The following NFIB variants were observed in gnomAD, a reference collection of about 807,000 sequenced individuals.
NFIB encodes nuclear factor I B, also known as nuclear factor 1 B-type.
NFIB carries 11 observed loss-of-function variants against 61.5 expected under a neutral mutation model. The ratio of observed to expected loss-of-function variants is 0.18; its 90% confidence interval spans 0.11 to 0.30. The LOEUF (loss-of-function observed/expected upper bound fraction) is 0.30, where lower values mean the gene tolerates loss of function less well. Among genes scored for constraint, NFIB ranks in the 10% least tolerant of loss-of-function variants. The probability of loss-of-function intolerance (pLI) is 1.00; values close to 1 mark genes in which losing one functional copy is unlikely to be tolerated. For missense variants in NFIB, 471 were observed against 608.9 expected (o/e 0.77, Z 2.38); for synonymous variants, 260 against 216.5 (o/e 1.20, Z -1.76).
intron 2 of NFIB, among the ~76,000 whole-genome samples, chr9:14,247,516 C>A (rs536523409): frequency 6.5e-4 from 99 of 152,386 alleles, no homozygotes; most frequent in Middle Eastern, 3.4e-3. Flanking sequence ...TGGCACGTCT[C>A]TGCACTGCTC....
chr9:14,311,459 G>A (rs1303566369), intron 1 of NFIB, among the ~76,000 whole-genome samples: 2 of 152,116 alleles, frequency 1.3e-5, no homozygotes, highest in Non-Finnish European at 2.9e-5. Flanking sequence ...TTCTTAAGCT[G>A]AAATTCCTTC....
At chr9:14,528,415 C>T in the NFIB span, among the ~76,000 whole-genome samples, 1 of 152,092 alleles carries the variant, frequency 6.6e-6, no homozygotes, top group Admixed American at 6.5e-5. Context: ...ACTGAGCAGA[C>T]TGATTGGTGT....
intron 2 of NFIB, chr9:14,204,219 C>G: frequency 3.7e-6 from 2 of 539,716 alleles, no homozygotes; most frequent in Non-Finnish European, 3.3e-6. Context: ...GAGGAATGAT[C>G]TCTCTTTTCC....
intron 1 of NFIB, among the ~76,000 whole-genome samples, chr9:14,386,090 G>A (rs2061546402): frequency 6.6e-6 from 1 of 152,090 alleles, no homozygotes. Context: ...GTGACACGGT[G>A]GAATTTTGAT....
At chr9:14,323,095 G>C (rs1384366596) in intron 1 of NFIB, among the ~76,000 whole-genome samples, 2 of 152,242 alleles carry the variant, frequency 1.3e-5, no homozygotes, top group Non-Finnish European at 2.9e-5. Flanking sequence ...TTGTTTCCGT[G>C]TAGGAGGACT....
At chr9:14,439,924 G>A in the NFIB span, among the ~76,000 whole-genome samples, 681 of 152,280 alleles carry the variant, frequency 4.5e-3, 5 homozygotes, top group African/African-American at 0.015. Context: ...AGTCAATTTC[G>A]TCAGGAGCTA....
intron 1 of NFIB, among the ~76,000 whole-genome samples, chr9:14,329,526 CTTTT>C (rs1564011759): frequency 6.6e-6 from 1 of 151,748 alleles, no homozygotes; most frequent in South Asian, 2.1e-4. Flanking sequence ...TTCTTTTTTT[CTTTT>C]TTAAGACGGA....
At chr9:14,218,569 T>C (rs1288078250) in intron 2 of NFIB, among the ~76,000 whole-genome samples, 2 of 152,202 alleles carry the variant, frequency 1.3e-5, no homozygotes, top group African/African-American at 4.8e-5. Context: ...TGACTATAGA[T>C]GTCACCCAAT....
intron 3 of NFIB, among the ~76,000 whole-genome samples, chr9:14,170,195 G>T (rs1360187996): frequency 6.6e-6 from 1 of 152,178 alleles, no homozygotes; most frequent in African/African-American, 2.4e-5. Context: ...CACTATATTT[G>T]TGATACAAAA....
At chr9:14,518,143 T>G in the NFIB span, among the ~76,000 whole-genome samples, 1 of 152,236 alleles carries the variant, frequency 6.6e-6, no homozygotes, top group Non-Finnish European at 1.5e-5. Flanking sequence ...TGGGTCTATA[T>G]GCCATTGGAA....
At chr9:14,147,951 C>A (rs1222923049) in intron 5 of NFIB, among the ~76,000 whole-genome samples, 1 of 151,830 alleles carries the variant, frequency 6.6e-6, no homozygotes, top group Non-Finnish European at 1.5e-5. Flanking sequence ...CAAAATGATA[C>A]ATTTTAATAT....
the NFIB span, among the ~76,000 whole-genome samples, chr9:14,516,250 T>A: frequency 1.3e-5 from 2 of 152,174 alleles, no homozygotes; most frequent in African/African-American, 4.8e-5. Context: ...GGGTTGAATC[T>A]TTTTATTATT....
intron 1 of NFIB, among the ~76,000 whole-genome samples, chr9:14,368,214 T>G (rs2061323839): frequency 6.8e-6 from 1 of 147,570 alleles, no homozygotes; most frequent in Non-Finnish European, 1.5e-5. Context: ...CTGAGAGAAA[T>G]GAAGAGAGCT....
chr9:14,132,397 C>T (rs896193188), intron 6 of NFIB, among the ~76,000 whole-genome samples: 3 of 152,092 alleles, frequency 2.0e-5, no homozygotes, highest in African/African-American at 7.2e-5. Flanking sequence ...TTTTATTCTC[C>T]AGTATTTAAC....
At chr9:14,397,526 T>C (rs1160928902) in intron 1 of NFIB, among the ~76,000 whole-genome samples, 1 of 151,724 alleles carries the variant, frequency 6.6e-6, no homozygotes, top group East Asian at 1.9e-4. Context: ...AGTATCCCTT[T>C]ATCCCCCCCA....
At chr9:14,239,217 A>G (rs2054108238) in intron 2 of NFIB, among the ~76,000 whole-genome samples, 1 of 152,214 alleles carries the variant, frequency 6.6e-6, no homozygotes, top group African/African-American at 2.4e-5. Context: ...GGAGAACAGT[A>G]ACTTAACTTT....
chr9:14,382,543 G>C (rs1264518494), intron 1 of NFIB, among the ~76,000 whole-genome samples: 1 of 152,194 alleles, frequency 6.6e-6, no homozygotes, highest in Non-Finnish European at 1.5e-5. Context: ...TGGCTCAATA[G>C]GGAATTGTTT....
intron 6 of NFIB, among the ~76,000 whole-genome samples, chr9:14,137,871 G>C (rs544287483): frequency 3.6e-4 from 55 of 151,990 alleles, no homozygotes; most frequent in Non-Finnish European, 7.5e-4. Flanking sequence ...TCAGAGCAAG[G>C]ACTACATGCA....
chr9:14,226,093 T>C (rs2052376558), intron 2 of NFIB, among the ~76,000 whole-genome samples: 1 of 129,996 alleles, frequency 7.7e-6, no homozygotes, highest in African/African-American at 4.5e-5. Context: ...TAAAGAGCAT[T>C]TTTTTTTTTC....
Sources: gnomAD v4.1 joint callset for allele counts (sites outside exome capture counted in the v4.1 genomes callset) on GRCh38, gnomAD v4.1.1 for gene constraint, MANE v1.5 for transcripts, NCBI Gene and HGNC (gene_info 2026-07-23, HGNC 2026-07-21) for gene names.